The following DENND2B variants were observed in gnomAD, a reference collection of about 807,000 sequenced individuals.
DENND2B encodes the protein DENN domain containing 2B, also known as DENN domain-containing protein 2B.
In DENND2B, 32 loss-of-function variants were observed where a neutral mutation model predicts 116.0. That is an observed-to-expected ratio of 0.28 (90% CI 0.21 to 0.37). The LOEUF is 0.37. Among genes scored for constraint, DENND2B ranks in the 10% least tolerant of loss-of-function variants. DENND2B has a pLI of 1.00. For missense variants in DENND2B, 1,276 were observed against 1,477.7 expected (o/e 0.86, Z 2.24); for synonymous variants, 588 against 583.9 (o/e 1.01, Z -0.10).
intron 4 of DENND2B, among the ~76,000 whole-genome samples, chr11:8,825,381 TC>T (rs754947175): frequency 2.6e-5 from 4 of 152,156 alleles, no homozygotes; most frequent in Non-Finnish European, 5.9e-5. Context: ...GTTTTTTTTT[TC>T]TTGTAAATTT....
intron 2 of DENND2B, among the ~76,000 whole-genome samples, chr11:8,737,232 G>C (rs1032761752): frequency 1.3e-5 from 2 of 152,228 alleles, no homozygotes; most frequent in Non-Finnish European, 2.9e-5. Context: ...AGATCCTCTA[G>C]AGCGTAAGTG....
intron 1 of DENND2B, among the ~76,000 whole-genome samples, chr11:8,805,682 A>T (rs987668381): frequency 6.6e-6 from 1 of 152,178 alleles, no homozygotes; most frequent in Admixed American, 6.5e-5. Flanking sequence ...CCTACCATCA[A>T]AACTCAGAAC....
intron 2 of DENND2B, among the ~76,000 whole-genome samples, chr11:8,744,622 C>T (rs1224851175): frequency 6.6e-6 from 1 of 152,064 alleles, no homozygotes; most frequent in African/African-American, 2.4e-5. Context: ...AACCAAAAGC[C>T]CAGAGGGTGC....
chr11:8,814,668 TAC>T (rs2134519941), upstream of DENND2B, among the ~76,000 whole-genome samples: 1 of 152,366 alleles, frequency 6.6e-6, no homozygotes, highest in Non-Finnish European at 1.5e-5. Flanking sequence ...TATGCATTTA[TAC>T]AGTTATCTGC....
Position 8,696,669 on chromosome 11 carries a change from G to A in DENND2B, c.3053-3C>T, listed in dbSNP as rs943325526. The A allele has an allele frequency of 6.2e-7, 1 of 1,613,466 alleles. No individual in the cohort carries two copies. Among genetic ancestry groups the A allele is most frequent in the African/African-American group, 1.3e-5 (1 of 75,000 alleles). On this transcript the variant is annotated splice_region_variant and splice_polypyrimidine_tract_variant and intron_variant, in intron 17 of 19. Coordinates refer to ENST00000313726, the MANE Select transcript of DENND2B (RefSeq NM_213618.2). ...CAGCCCATTGAGGGTATTACATTCTGGAAGGGAAAAGACAATCTTTGAGGT... is the reference window on the plus strand; with the variant it reads ...CAGCCCATTGAGGGTATTACATTCTAGAAGGGAAAAGACAATCTTTGAGGT...
intron 1 of DENND2B, among the ~76,000 whole-genome samples, chr11:8,753,619 A>G (rs550692815): frequency 1.3e-5 from 2 of 151,786 alleles, no homozygotes. Flanking sequence ...CTTGAAAAAG[A>G]TGAACAAAGT....
rs2041871008 is a variant in DENND2B at position 8,702,424 on chromosome 11, C to T, written c.2720+148G>A. The T allele has an allele frequency of 1.7e-6, 2 of 1,188,110 alleles. No individual in the cohort carries two copies. Among genetic ancestry groups the T allele is most frequent in the Non-Finnish European group, 2.3e-6 (2 of 855,766 alleles). The allele number at this position is 1,188,110 out of a possible 1,614,324, so 73.6% of individuals were successfully genotyped here. A position where few individuals can be genotyped will look rare whatever the true frequency, so the allele number is the denominator to read the frequency against. ...CTCCCTCACCCACACAGGGGTGCTACCTTTCCACCTAGTCTTCCATCTCCC... is the reference window on the plus strand; with the variant it reads ...CTCCCTCACCCACACAGGGGTGCTATCTTTCCACCTAGTCTTCCATCTCCC... On this transcript the variant is annotated intron_variant, in intron 14 of 19. Coordinates refer to ENST00000313726, the MANE Select transcript of DENND2B (RefSeq NM_213618.2). This position sits in a 1 kb window ranked among gnomAD's most constrained non-coding sequence, Gnocchi z 4.6.
At chr11:8,741,136 G>T (rs1363073701) in intron 2 of DENND2B, among the ~76,000 whole-genome samples, 1 of 152,216 alleles carries the variant, frequency 6.6e-6, no homozygotes, top group Non-Finnish European at 1.5e-5. Flanking sequence ...GCTATATCTA[G>T]GCCACCATCT....
rs916918292 is a variant in DENND2B at position 8,730,804 on chromosome 11, C to G, written c.486G>C (p.Leu162=). 34 of 1,613,082 alleles carry G rather than the reference C, an allele frequency of 2.1e-5. No homozygotes were observed. Among genetic ancestry groups the G allele is most frequent in the Non-Finnish European group, 2.5e-5 (30 of 1,179,986 alleles). The change falls in exon 3 of 20, where the codon CTG becomes CTC. Residue 162 remains leucine (L), a synonymous_variant. Transcript: ENST00000313726. This position sits in a 1 kb window ranked among gnomAD's most constrained non-coding sequence, Gnocchi z 4.1. ...ATGCTGATATCTTCTCCCGGATGCC[C>G]AGGCTGTGGGCGCGGGTACCGGTAC... The part of the protein sequence containing the change: ...LTRTGTRAHS[L]GIREKISAWE...
intron 1 of DENND2B, among the ~76,000 whole-genome samples, chr11:8,901,019 G>A (rs1439785348): frequency 1.3e-5 from 2 of 150,304 alleles, no homozygotes; most frequent in Non-Finnish European, 3.0e-5. Context: ...CCAAAGTGCT[G>A]GAATTACAGG....
At chr11:8,875,657 G>A (rs1383148428), upstream of DENND2B, among the ~76,000 whole-genome samples, 1 of 151,852 alleles carries the variant, frequency 6.6e-6, no homozygotes, top group Non-Finnish European at 1.5e-5. Flanking sequence ...TCAAACTCCT[G>A]GCTTCAAGTG....
intron 1 of DENND2B, among the ~76,000 whole-genome samples, chr11:8,904,923 A>C (rs1444001606): frequency 3.3e-5 from 5 of 152,176 alleles, no homozygotes; most frequent in Admixed American, 3.3e-4. Context: ...AAATGGACAG[A>C]CATTCCATGT....
chr11:8,854,200 A>G (rs1459211835), intron 3 of DENND2B, among the ~76,000 whole-genome samples: 1 of 150,284 alleles, frequency 6.7e-6, no homozygotes, highest in African/African-American at 2.4e-5. Context: ...CTATTTATTT[A>G]TGTATTTATT....
chr11:8,905,307 A>G (rs1173770022), intron 1 of DENND2B, among the ~76,000 whole-genome samples: 1 of 152,226 alleles, frequency 6.6e-6, no homozygotes. Flanking sequence ...ATAGTCTTTT[A>G]TACAAATGAT....
intron 4 of DENND2B, among the ~76,000 whole-genome samples, chr11:8,825,782 T>C (rs1243441780): frequency 6.6e-6 from 1 of 152,140 alleles, no homozygotes; most frequent in African/African-American, 2.4e-5. Context: ...AGGATAAAGA[T>C]GGTTATTAGT....
chr11:8,732,066 G>T (rs2048214141), intron 2 of DENND2B, among the ~76,000 whole-genome samples: 1 of 152,140 alleles, frequency 6.6e-6, no homozygotes, highest in African/African-American at 2.4e-5. Flanking sequence ...CAGGTCAGAA[G>T]CGCCCCTCAG....
upstream of DENND2B, among the ~76,000 whole-genome samples, chr11:8,875,703 A>C (rs77337998): frequency 0.02 from 2,980 of 152,264 alleles, 42 homozygotes; most frequent in Non-Finnish European, 0.032. Flanking sequence ...TGCTGGGATT[A>C]TAGACATAAG....
At chr11:8,754,387 T>C (rs575945164) in intron 1 of DENND2B, among the ~76,000 whole-genome samples, 12 of 152,150 alleles carry the variant, frequency 7.9e-5, no homozygotes, top group Non-Finnish European at 1.3e-4. Context: ...TCACATCCAC[T>C]AGGATTTCTA....
chr11:8,783,319 A>G (rs995437599), intron 1 of DENND2B, among the ~76,000 whole-genome samples: 6 of 152,150 alleles, frequency 3.9e-5, no homozygotes, highest in Admixed American at 6.5e-5. Context: ...CCACATAGCT[A>G]TTAATAACAG....
Sources: allele counts gnomAD v4.1 joint callset (sites outside exome capture counted in the v4.1 genomes callset), GRCh38; gene constraint gnomAD v4.1.1; non-coding constraint Gnocchi (gnomAD v3.1); transcripts MANE v1.5; gene names NCBI Gene and HGNC (gene_info 2026-07-23, HGNC 2026-07-21).